Variants in PTMA observed in about 807,000 individuals in gnomAD.
PTMA encodes the protein prothymosin alpha, also known as gene sequence 28.
Under a neutral mutation model 16.9 loss-of-function variants are expected in PTMA, and 4 were observed. The ratio of observed to expected loss-of-function variants is 0.24; its 90% CI spans 0.12 to 0.54. The LOEUF (loss-of-function observed/expected upper bound fraction) is 0.54, where lower values mean the gene tolerates loss of function less well. PTMA is among the 20% of genes least tolerant of loss of function. The probability of loss-of-function intolerance (pLI) is 0.95; values close to 1 mark genes in which losing one functional copy is unlikely to be tolerated. For missense variants in PTMA, 120 were observed against 137.7 expected, an observed-to-expected ratio of 0.87 and a Z score of 0.64; for synonymous variants, 58 against 47.9, an observed-to-expected ratio of 1.21 and a Z score of -0.87.
chr2:231,708,758 C>T lies in PTMA; in HGVS notation c.45+7C>T, dbSNP rs201889288. 10 of 1,601,900 alleles carry T rather than the reference C, an allele frequency of 6.2e-6. No homozygotes were observed. In the East Asian group the frequency reaches 1.1e-4, roughly 18 times the overall value. On this transcript the variant is annotated splice_region_variant and intron_variant, in intron 1 of 4. Coordinates refer to ENST00000409115, the MANE Select transcript of PTMA (RefSeq NM_002823.5). ...CTCCGAAATCACCACCAAGGTGAGGCTGGACGCCGCCCGCCCCCTCGGGGT... is the reference window on the plus strand; with the variant it reads ...CTCCGAAATCACCACCAAGGTGAGGTTGGACGCCGCCCGCCCCCTCGGGGT...
chr2:231,712,116 G>T, intron 3 of PTMA, 133 bp downstream of exon 3: 1 of 1,466,066 alleles, frequency 6.8e-7, no homozygotes, highest in East Asian at 2.5e-5. Context: ...CATGGCCCTG[G>T]GCACCCACCT....
rs200020726 is a variant in PTMA, at chr2:231,712,815, C to T, written c.297C>T (p.Val99=). The T allele has an allele frequency of 3.8e-4, 611 of 1,592,414 alleles. No homozygotes were observed. The highest frequency in any genetic ancestry group is 1.6e-3 in the Middle Eastern group (9 of 5,648). ...CTTTCTCTGCTTAGGATGACGATGTCGATACCAAGAAGCAGAAGACCGACG... is the reference window on the plus strand; with the variant it reads ...CTTTCTCTGCTTAGGATGACGATGTTGATACCAAGAAGCAGAAGACCGACG... ...RAAEDDEDDD[V]DTKKQKTDED... Residue 99 remains valine (V), a synonymous_variant, in exon 5 of 5, where the codon GTC becomes GTT. Coordinates refer to ENST00000409115, the MANE Select transcript of PTMA (RefSeq NM_002823.5).
At chr2:231,711,477 G>C in intron 2 of PTMA, 58 bp downstream of exon 2, 3 of 1,530,630 alleles carry the variant, frequency 2.0e-6, no homozygotes, top group Non-Finnish European at 2.7e-6. Flanking sequence ...AATTTTTCCT[G>C]TTCTACTTTA....
intron 2 of PTMA, chr2:231,711,628 A>T: frequency 1.4e-6 from 1 of 733,946 alleles, no homozygotes; most frequent in South Asian, 1.9e-5. Flanking sequence ...CTGAACAAGA[A>T]TAGGTTCAGA....
At chr2:231,710,011 A>C in intron 1 of PTMA, 449 of 1,153,366 alleles carry the variant, frequency 3.9e-4, no homozygotes, top group Non-Finnish European at 4.4e-4. Context: ...TGGGGTGAGA[A>C]CACCGTCCCC....
chr2:231,712,424 G>A lies in PTMA; in HGVS notation c.212-19G>A, dbSNP rs775630415. The A allele has an allele frequency of 4.3e-6, 7 of 1,612,218 alleles. No homozygotes were observed. The South Asian group carries it at 6.6e-5, about 15-fold the overall frequency. On this transcript the variant is annotated intron_variant, in intron 3 of 4. Transcript: ENST00000409115. ...AGTAGGAGGGAAGTGTGGTTTACCTGGCCTTTGATTCTCTCCAGGTGAGGA... is the reference window on the plus strand; with the variant it reads ...AGTAGGAGGGAAGTGTGGTTTACCTAGCCTTTGATTCTCTCCAGGTGAGGA...
rs201354639 is a variant in PTMA, at chr2:231,711,837, C to A, written c.118-53C>A. The A allele has an allele frequency of 1.2e-5, 20 of 1,600,410 alleles. No homozygotes were observed. In the Admixed American group the frequency reaches 1.4e-4, roughly 11 times the overall value. ...GAGGCCGGGCATCAGGAGCAACGCT[C>A]TGTCCAGCCTGGGGCCAGCTGGTAA... On this transcript the variant is annotated intron_variant, in intron 2 of 4. Coordinates refer to ENST00000409115, the MANE Select transcript of PTMA (RefSeq NM_002823.5).
chr2:231,712,318 T>A, intron 3 of PTMA, 125 bp from the exon 4 acceptor site: 1 of 1,053,814 alleles, frequency 9.5e-7, no homozygotes, highest in Non-Finnish European at 1.4e-6. Context: ...GTGCCCTGAT[T>A]GGGCCCAGTT....
rs1022902270 is a variant in PTMA at position 231,708,650 on chromosome 2, C to A, written c.-57C>A. 1.9e-5 allele frequency: 31 copies of A among 1,591,472 alleles called. No homozygotes were observed. Among genetic ancestry groups the A allele is most frequent in the Non-Finnish European group, 2.6e-5 (30 of 1,173,300 alleles). ...ACTCCGGCAGCTTTATCGCCAGAGT[C>A]CCTGAACTCTCGCTTTCTTTTTAAT... On this transcript the variant is annotated 5_prime_UTR_variant, in exon 1 of 5. Coordinates refer to ENST00000409115, the MANE Select transcript of PTMA (RefSeq NM_002823.5).
At position 231,711,935 on chromosome 2, in the gene PTMA, G is replaced by A; in HGVS notation, c.163G>A (p.Glu55Lys). 1 of 1,601,522 alleles carries A rather than the reference G, an allele frequency of 6.2e-7. No homozygotes were observed. Among genetic ancestry groups the A allele is most frequent in the Non-Finnish European group, 8.5e-7 (1 of 1,173,700 alleles). ...EQEADNEVDE[E>K]EEEGGEEEEE... ...GGAGGCTGACAATGAGGTAGACGAA[G>A]AAGAGGAAGAAGGTGGGGAGGAAGA... The change falls in exon 3 of 5, where the codon GAA becomes AAA. Residue 55 changes from glutamate (E) to lysine (K), a missense_variant. Physicochemically the swap from Glu to Lys is moderately conservative, Grantham distance 56 (BLOSUM62 1). Transcript: ENST00000409115.
intron 2 of PTMA, 75 bp from the exon 3 acceptor site, chr2:231,711,815 G>T: frequency 6.3e-7 from 1 of 1,577,112 alleles, no homozygotes; most frequent in Non-Finnish European, 8.6e-7. Context: ...CTGGTGGGAG[G>T]CCGGGCATCA....
chr2:231,710,173 C>G, intron 1 of PTMA: 1 of 1,286,664 alleles, frequency 7.8e-7, no homozygotes, highest in Non-Finnish European at 9.9e-7. Context: ...GGACTTGGCC[C>G]GCCGAATGCA....
At chr2:231,709,929 C>T in intron 1 of PTMA, 2 of 531,962 alleles carry the variant, frequency 3.8e-6, no homozygotes, top group South Asian at 9.9e-5. Context: ...CTTGGCAGAG[C>T]GGAGCTCGGG....
At position 231,711,382 on chromosome 2, in the gene PTMA, C is replaced by G. The variant is rs1381867591; in HGVS notation, c.80C>G (p.Ala27Gly). 1 of 1,614,136 alleles carries G rather than the reference C, an allele frequency of 6.2e-7. No individual in the cohort carries two copies. The highest frequency in any genetic ancestry group is 8.5e-7 in the Non-Finnish European group (1 of 1,179,994). ...GAGAAGAAGGAAGTTGTGGAAGAGG[C>G]AGAAAATGGAAGAGACGCCCCTGCT... ...LKEKKEVVEE[A>G]ENGRDAPANG... The change falls in exon 2 of 5, where the codon GCA becomes GGA. Residue 27 changes from alanine (A) to glycine (G), a missense_variant. Coordinates refer to ENST00000409115, the MANE Select transcript of PTMA (RefSeq NM_002823.5).
Position 231,713,171 on chromosome 2 carries a change from T to G in PTMA, c.*320T>G. On this transcript the variant is annotated 3_prime_UTR_variant, in exon 5 of 5. Coordinates refer to ENST00000409115, the MANE Select transcript of PTMA (RefSeq NM_002823.5). ...TACATATTGTTAGGGTCAGCCATTTTTAATGATCTCGGATGACCAAACCAG... is the reference window on the plus strand; with the variant it reads ...TACATATTGTTAGGGTCAGCCATTTGTAATGATCTCGGATGACCAAACCAG... 1 of 457,564 alleles carries G rather than the reference T, an allele frequency of 2.2e-6. No homozygotes were observed. The highest frequency in any genetic ancestry group is 1.7e-5 in the South Asian group (1 of 58,268). 28.3% of individuals were successfully genotyped at this position (457,564 alleles called of 1,614,324 possible). A position where few individuals can be genotyped will look rare whatever the true frequency, so the allele number is the denominator to read the frequency against.
chr2:231,709,919 C>G (rs553274368), intron 1 of PTMA: 15 of 473,594 alleles, frequency 3.2e-5, no homozygotes, highest in Non-Finnish European at 4.2e-5. Context: ...GGGGCGACTT[C>G]TTGGCAGAGC....
At chr2:231,711,278 T>C in intron 1 of PTMA, 70 bp from the exon 2 acceptor site, 1 of 1,317,320 alleles carries the variant, frequency 7.6e-7, no homozygotes, top group Non-Finnish European at 1.1e-6. Flanking sequence ...CCAGTAGTTC[T>C]CAGCGCCTTT....
chr2:231,712,419 T>A lies in PTMA; in HGVS notation c.212-24T>A, dbSNP rs780584333. ...GCCACAGTAGGAGGGAAGTGTGGTTTACCTGGCCTTTGATTCTCTCCAGGT... is the reference window on the plus strand; with the variant it reads ...GCCACAGTAGGAGGGAAGTGTGGTTAACCTGGCCTTTGATTCTCTCCAGGT... On this transcript the variant is annotated intron_variant, in intron 3 of 4. Transcript: ENST00000409115. The A allele has an allele frequency of 3.7e-6, 6 of 1,609,044 alleles. No individual in the cohort carries two copies. The Admixed American group carries it at 1.0e-4, about 27-fold the overall frequency.
chr2:231,710,042 G>A (rs997389562), intron 1 of PTMA: 83 of 1,220,230 alleles, frequency 6.8e-5, no homozygotes, highest in Non-Finnish European at 8.4e-5. Context: ...CTGGCTGTTC[G>A]ATTTTCTCCG....
Sources: gnomAD v4.1 joint callset for allele counts on GRCh38, gnomAD v4.1.1 for gene constraint, MANE v1.5 for transcripts, NCBI Gene and HGNC (gene_info 2026-07-23, HGNC 2026-07-21) for gene names.